Variants in ALDH5A1 observed in about 807,000 individuals in gnomAD.
ALDH5A1 encodes the protein succinate-semialdehyde dehydrogenase, mitochondrial.
In ALDH5A1, 33 loss-of-function variants were observed where a neutral mutation model predicts 54.7. That is an observed-to-expected ratio of 0.60 (90% CI 0.46 to 0.81). ALDH5A1 has a LOEUF of 0.81. Among genes scored for constraint, ALDH5A1 ranks in the 30% least tolerant of loss-of-function variants. ALDH5A1 has a pLI of 0.00. For missense variants in ALDH5A1, 657 were observed against 711.0 expected (o/e 0.92, Z 0.86); for synonymous variants, 294 against 292.7 (o/e 1.00, Z -0.05).
In ALDH5A1 at chr6:24,534,892, C is replaced by A. The variant is rs1370812420; in HGVS notation, c.*1180C>A. The stretch of plus-strand genomic sequence containing the variant: ...GGGAAAGAATTTCTGTAATTGCCAA[C>A]CCACTTTGTAGAAGAGGCATGAGCC... On this transcript the variant is annotated 3_prime_UTR_variant, in exon 10 of 10. Coordinates refer to ENST00000357578, the MANE Select transcript of ALDH5A1 (RefSeq NM_001080.3). 1 of 152,220 alleles carries A rather than the reference C, an allele frequency of 6.6e-6. No homozygotes were observed. Among genetic ancestry groups the A allele is most frequent in the Non-Finnish European group, 1.5e-5 (1 of 68,064 alleles). 9.4% of individuals were successfully genotyped at this position (152,220 alleles called of 1,614,324 possible).
intron 1 of ALDH5A1, among the ~76,000 whole-genome samples, chr6:24,498,724 G>A (rs908517836): frequency 3.3e-5 from 5 of 152,226 alleles, no homozygotes; most frequent in African/African-American, 1.2e-4. Flanking sequence ...AGCACTTTGG[G>A]AGGCCAAGGC....
Position 24,520,416 on chromosome 6 carries a change from G to A in ALDH5A1, c.886G>A (p.Ala296Thr), listed in dbSNP as rs149482918. 1.5e-3 allele frequency: 2,416 copies of A among 1,614,018 alleles called. 68 individuals carry two copies. The Admixed American group carries it at 0.038, about 25-fold the overall frequency. ...TTTGKILLHH[A>T]ANSVKRVSME... The stretch of plus-strand genomic sequence containing the variant: ...CTGCTCACAGATCCTGTTGCACCAC[G>A]CAGCAAACTCTGTGAAAAGGGTCTC... Residue 296 changes from alanine (A) to threonine (T), a missense_variant, in exon 6 of 10, where the codon GCA becomes ACA. Ala to Thr is a moderately conservative substitution (Grantham distance 58). This residue lies in a region of ALDH5A1 where 425 missense variants were observed against 516.4 expected (regional missense o/e 0.82). Coordinates refer to ENST00000357578, the MANE Select transcript of ALDH5A1 (RefSeq NM_001080.3).
At chr6:24,506,503 G>A (rs1372286180) in intron 4 of ALDH5A1, among the ~76,000 whole-genome samples, 1 of 151,558 alleles carries the variant, frequency 6.6e-6, no homozygotes, top group East Asian at 1.9e-4. Flanking sequence ...CACCCGCCTC[G>A]GCCTCCCAAA....
At chr6:24,516,007 T>C (rs1180333631) in intron 5 of ALDH5A1, among the ~76,000 whole-genome samples, 2 of 152,208 alleles carry the variant, frequency 1.3e-5, no homozygotes, top group Non-Finnish European at 2.9e-5. Context: ...TGAACAAAAA[T>C]GTGTTTAGTC....
At chr6:24,505,829 G>A (rs1419378654) in intron 4 of ALDH5A1, among the ~76,000 whole-genome samples, 8 of 152,062 alleles carry the variant, frequency 5.3e-5, no homozygotes, top group African/African-American at 1.4e-4. Flanking sequence ...TTAGCTGGGC[G>A]TGGTGGCATG....
chr6:24,513,091 T>G (rs1042490600), intron 4 of ALDH5A1, among the ~76,000 whole-genome samples: 98 of 41,698 alleles, frequency 2.4e-3, no homozygotes, highest in African/African-American at 6.8e-3. Flanking sequence ...TTTCTTTTTT[T>G]TCTTGAGACA....
chr6:24,516,692 C>T (rs193242676), intron 5 of ALDH5A1, among the ~76,000 whole-genome samples: 132 of 152,038 alleles, frequency 8.7e-4, no homozygotes, highest in African/African-American at 3.1e-3. Context: ...GTAATCCTCA[C>T]ACTTTGAGAG....
chr6:24,522,604 T>C, intron 6 of ALDH5A1, 163 bp from the exon 7 acceptor site: 3 of 757,408 alleles, frequency 4.0e-6, no homozygotes, highest in East Asian at 2.6e-5. Flanking sequence ...TCAGTGCTTT[T>C]ATCTTTGGGG....
intron 4 of ALDH5A1, 37 bp from the exon 5 acceptor site, chr6:24,515,130 T>TA: frequency 3.4e-6 from 5 of 1,462,374 alleles, no homozygotes; most frequent in Non-Finnish European, 4.7e-6. Context: ...TTCAGTTTGG[T>TA]AAATTGTTGG....
At position 24,501,224 on chromosome 6, in the gene ALDH5A1, G is replaced by A. The variant is rs371401294; in HGVS notation, c.355-1299G>A. On this transcript the variant is annotated intron_variant, in intron 1 of 9. Coordinates refer to ENST00000357578, the MANE Select transcript of ALDH5A1 (RefSeq NM_001080.3). Reference sequence around the variant, plus strand: ...CCTTAGTAGACCAAATCTTGTTATCGAAGTGTTCTTGAGCTATACCCTTGA... The same window carrying A: ...CCTTAGTAGACCAAATCTTGTTATCAAAGTGTTCTTGAGCTATACCCTTGA... Among the ~76,000 whole-genome samples, 78 of 152,242 alleles carry A rather than the reference G, an allele frequency of 5.1e-4. 1 individual carries two copies. Among genetic ancestry groups the A allele is most frequent in the African/African-American group, 1.8e-3 (74 of 41,538 alleles).
chr6:24,503,139 C>T, intron 2 of ALDH5A1, 124 bp from the exon 3 acceptor site: 3 of 1,195,226 alleles, frequency 2.5e-6, no homozygotes, highest in South Asian at 1.4e-5. Flanking sequence ...AAATTTTCCC[C>T]ACTCTATGGG....
At chr6:24,495,458 C>A in intron 1 of ALDH5A1, 108 bp downstream of exon 1, 1 of 1,096,004 alleles carries the variant, frequency 9.1e-7, no homozygotes, top group Non-Finnish European at 1.3e-6. Context: ...CTCCTGTGCT[C>A]AGTTCCCCAG....
Position 24,515,158 on chromosome 6 carries a change from T to G in ALDH5A1, c.727-9T>G, listed in dbSNP as rs1759543272. 1.9e-6 allele frequency: 3 copies of G among 1,607,264 alleles called. No individual in the cohort carries two copies. Among genetic ancestry groups the G allele is most frequent in the Non-Finnish European group, 2.6e-6 (3 of 1,175,752 alleles). ...ATTGTTGGCACATGTTTGCTGTTTC[T>G]CTTTATAGCTTGCAAGCCAGGCTGG... On this transcript the variant is annotated splice_polypyrimidine_tract_variant and intron_variant, in intron 4 of 9. Transcript: ENST00000357578.
In ALDH5A1 at chr6:24,503,412, C is replaced by T. The variant is rs145208127; in HGVS notation, c.588C>T (p.Gly196=). The T allele has an allele frequency of 2.0e-4, 321 of 1,613,082 alleles. No homozygotes were observed. The highest frequency in any genetic ancestry group is 2.7e-4 in the Admixed American group (16 of 60,000). ...CCCTGGTCCTCAAGCAGCCCATAGG[C>T]GTGGCTGCAGTCATCACCCCGGTAG... ...RRALVLKQPI[G]VAAVITPWNF... The change falls in exon 3 of 10, where the codon GGC becomes GGT. Residue 196 remains glycine (G), a synonymous_variant. Coordinates refer to ENST00000357578, the MANE Select transcript of ALDH5A1 (RefSeq NM_001080.3).
At position 24,520,640 on chromosome 6, in the gene ALDH5A1, G is replaced by A. The variant is rs1392625969; in HGVS notation, c.1014+96G>A. On this transcript the variant is annotated intron_variant, in intron 6 of 9. Coordinates refer to ENST00000357578, the MANE Select transcript of ALDH5A1 (RefSeq NM_001080.3). ...GTGATATGTGTGCATGTGAGTGTGT[G>A]TGTGTGTGCGTGTGTGTGTGTTACA... 4 of 1,500,012 alleles carry A rather than the reference G, an allele frequency of 2.7e-6. No individual in the cohort carries two copies. In the East Asian group the frequency reaches 7.3e-5, roughly 27 times the overall value. 92.9% of individuals were successfully genotyped at this position (1,500,012 alleles called of 1,614,324 possible). A position where few individuals can be genotyped will look rare whatever the true frequency, so the allele number is the denominator to read the frequency against.
chr6:24,525,217 T>A (rs79732030), intron 7 of ALDH5A1, among the ~76,000 whole-genome samples: 1 of 151,838 alleles, frequency 6.6e-6, no homozygotes, highest in Non-Finnish European at 1.5e-5. Flanking sequence ...AGGAAGGGGG[T>A]ATTTTTGTTA....
At chr6:24,513,360 C>A (rs1484114199) in intron 4 of ALDH5A1, among the ~76,000 whole-genome samples, 1 of 152,174 alleles carries the variant, frequency 6.6e-6, no homozygotes, top group Admixed American at 6.5e-5. Flanking sequence ...CCACCACACC[C>A]AGCCTCTTTT....
chr6:24,530,594 A>G (rs1421185251), intron 8 of ALDH5A1, among the ~76,000 whole-genome samples: 3 of 152,198 alleles, frequency 2.0e-5, no homozygotes, highest in Non-Finnish European at 4.4e-5. Flanking sequence ...CAAAGGGTTG[A>G]GCCTCACTGA....
In ALDH5A1 at chr6:24,534,063, G is replaced by A. The variant is rs1291683821; in HGVS notation, c.*351G>A. The A allele has an allele frequency of 2.1e-5, 6 of 290,572 alleles. No homozygotes were observed. The highest frequency in any genetic ancestry group is 2.7e-5 in the Non-Finnish European group (4 of 150,096). 18.0% of individuals were successfully genotyped at this position (290,572 alleles called of 1,614,324 possible). A position where few individuals can be genotyped will look rare whatever the true frequency, so the allele number is the denominator to read the frequency against. Reference sequence around the variant, plus strand: ...AGGCTTGATCACTGCCTGGGCAGTGGCACAACCATCCCCCATGTCGCTACA... The same window carrying A: ...AGGCTTGATCACTGCCTGGGCAGTGACACAACCATCCCCCATGTCGCTACA... On this transcript the variant is annotated 3_prime_UTR_variant, in exon 10 of 10. Coordinates refer to ENST00000357578, the MANE Select transcript of ALDH5A1 (RefSeq NM_001080.3).
Sources: allele counts gnomAD v4.1 joint callset (sites outside exome capture counted in the v4.1 genomes callset), GRCh38; gene constraint gnomAD v4.1.1; regional missense constraint gnomAD v4.1.1; transcripts MANE v1.5; gene names NCBI Gene and HGNC (gene_info 2026-07-23, HGNC 2026-07-21).